MDH1B: variants seen among roughly 807,000 people sequenced by gnomAD.
MDH1B encodes putative malate dehydrogenase 1B.
A neutral mutation model predicts 61.4 loss-of-function variants in MDH1B; 60 were observed. The observed-to-expected ratio is 0.98, with a 90% CI of 0.79 to 1.21. The LOEUF (loss-of-function observed/expected upper bound fraction) is 1.21, where lower values mean the gene tolerates loss of function less well. MDH1B is among the 50% of genes most tolerant of loss of function. The pLI is 0.00. For missense variants in MDH1B, 587 were observed against 632.1 expected, an observed-to-expected ratio of 0.93 and a Z score of 0.76; for synonymous variants, 236 against 218.7, an observed-to-expected ratio of 1.08 and a Z score of -0.70.
chr2:206,758,360 C>G (rs1688880075), intron 2 of MDH1B, among the ~76,000 whole-genome samples: 1 of 152,116 alleles, frequency 6.6e-6, no homozygotes, highest in South Asian at 2.1e-4. Context: ...CTGGCAAGGA[C>G]CTCAGAAGAC....
intron 4 of MDH1B, among the ~76,000 whole-genome samples, chr2:206,755,891 A>G (rs1688731699): frequency 6.7e-6 from 1 of 148,424 alleles, no homozygotes; most frequent in East Asian, 2.0e-4. Context: ...TTTAAAAAAT[A>G]CAACCTCATC....
Position 206,755,471 on chromosome 2 carries a change from T to C in MDH1B, c.448A>G (p.Ile150Val), listed in dbSNP as rs961258544. Residue 150 changes from isoleucine (I) to valine (V), a missense_variant, in exon 5 of 12, where the codon ATA (isoleucine) becomes GTA (valine). Physicochemically the swap from Ile to Val is conservative, Grantham distance 29. Coordinates refer to ENST00000374412, the MANE Select transcript of MDH1B (RefSeq NM_001039845.3). ...SAPACYNLIP[I>V]LTSGEVFGMH... ...CCAAACACTTCGCCACTCGTCAATATGGGAATTAGGTTGTAGCAGGCAGGA... is the reference window on the plus strand; with the variant it reads ...CCAAACACTTCGCCACTCGTCAATACGGGAATTAGGTTGTAGCAGGCAGGA... 3.1e-6 allele frequency: 5 copies of C among 1,614,000 alleles called. No individual in the cohort carries two copies. Among genetic ancestry groups the C allele is most frequent in the African/African-American group, 2.7e-5 (2 of 75,062 alleles).
Position 206,765,282 on chromosome 2 carries a change from GA to G in MDH1B, c.-12del. ...GACGAATTTGGCCATGGTCGAGAGA[GA>G]CTCAGAGGCAGGGACCGCGGCTTCG... On this transcript the variant is annotated 5_prime_UTR_variant, in exon 1 of 12. Transcript: ENST00000374412. The G allele has an allele frequency of 6.3e-7, 1 of 1,599,332 alleles. No individual in the cohort carries two copies. Among genetic ancestry groups the G allele is most frequent in the South Asian group, 1.1e-5 (1 of 89,072 alleles).
chr2:206,750,550 G>C (rs1688376796), intron 6 of MDH1B, among the ~76,000 whole-genome samples: 1 of 151,684 alleles, frequency 6.6e-6, no homozygotes, highest in Admixed American at 6.6e-5. Context: ...TCCTGCCACA[G>C]AATGCCCAGC....
chr2:206,755,580 T>G (rs1420536047), intron 4 of MDH1B, 75 bp from the exon 5 acceptor site: 1 of 1,500,000 alleles, frequency 6.7e-7, no homozygotes, highest in African/African-American at 1.4e-5. Flanking sequence ...TTAATAGATA[T>G]TTCTGCATGT....
At position 206,765,234 on chromosome 2, in the gene MDH1B, C is replaced by T; in HGVS notation, c.22+16G>A. ...GCGTTTTGAGCAATCTGCGGGCGGA[C>T]GCGGGGATCACTCACCCGCGATGAC... is the stretch of plus-strand genomic sequence containing the variant. On this transcript the variant is annotated intron_variant, in intron 1 of 11. Coordinates refer to ENST00000374412, the MANE Select transcript of MDH1B (RefSeq NM_001039845.3). 6.2e-7 allele frequency: 1 copy of T among 1,600,196 alleles called. No individual in the cohort carries two copies. Among genetic ancestry groups the T allele is most frequent in the Non-Finnish European group, 8.5e-7 (1 of 1,175,446 alleles).
rs61998221 is a variant in MDH1B, at chr2:206,755,049, C to G, written c.870G>C (p.Ala290=). The part of the protein sequence containing the change: ...IAVALGVEGE[A]KAILARKLKT... ...TCAGTTTTCTGGCCAGTATGGCTTT[C>G]GCTTCACCTTCCACCCCCAGCGCCA... Residue 290 remains alanine, a synonymous_variant, in exon 5 of 12, where the codon GCG becomes GCC. Transcript: ENST00000374412. The G allele has an allele frequency of 6.8e-6, 11 of 1,613,954 alleles. No homozygotes were observed. Among genetic ancestry groups the G allele is most frequent in the Non-Finnish European group, 5.9e-6 (7 of 1,179,946 alleles).
intron 7 of MDH1B, among the ~76,000 whole-genome samples, chr2:206,748,767 T>C (rs1368843176): frequency 6.6e-6 from 1 of 152,268 alleles, no homozygotes; most frequent in East Asian, 1.9e-4. Context: ...ATCTGGCTCT[T>C]GTTTATTCCA....
chr2:206,747,725 G>A (rs192175426), intron 7 of MDH1B, among the ~76,000 whole-genome samples: 193 of 152,298 alleles, frequency 1.3e-3, no homozygotes, highest in Non-Finnish European at 2.5e-3. Flanking sequence ...GTGGGGATAC[G>A]GAGGAGAGAC....
intron 1 of MDH1B, among the ~76,000 whole-genome samples, chr2:206,762,526 C>A (rs1268767162): frequency 6.6e-6 from 1 of 152,112 alleles, no homozygotes. Context: ...CTAATAGTCC[C>A]TTTCTGTCAT....
chr2:206,744,823 G>T (rs908138814), intron 9 of MDH1B, among the ~76,000 whole-genome samples: 1 of 152,066 alleles, frequency 6.6e-6, no homozygotes, highest in Admixed American at 6.6e-5. Context: ...TAATCAGGAG[G>T]CTGAGACAGG....
At chr2:206,764,731 G>A (rs956025761) in intron 1 of MDH1B, among the ~76,000 whole-genome samples, 12 of 152,150 alleles carry the variant, frequency 7.9e-5, no homozygotes, top group African/African-American at 2.9e-4. Flanking sequence ...TGACCTACAT[G>A]AAATGCAAGG....
chr2:206,742,105 A>G (rs557090843), intron 9 of MDH1B, among the ~76,000 whole-genome samples: 1 of 152,190 alleles, frequency 6.6e-6, no homozygotes, highest in Admixed American at 6.5e-5. Flanking sequence ...AAAGAAAATG[A>G]TGAACTCAGA....
At chr2:206,745,447 T>G (rs534295838) in intron 9 of MDH1B, 175 bp downstream of exon 9, 9 of 656,460 alleles carry the variant, frequency 1.4e-5, no homozygotes, top group Admixed American at 9.2e-5. Flanking sequence ...TTTAACATTC[T>G]TATGAGATGT....
chr2:206,761,153 TTACA>T (rs1689070348), intron 1 of MDH1B, 140 bp from the exon 2 acceptor site: 2 of 481,482 alleles, frequency 4.2e-6, no homozygotes, highest in East Asian at 6.2e-5. Context: ...TAAACTGCTA[TTACA>T]TAAACTTCTG....
chr2:206,739,580 G>T lies in MDH1B; in HGVS notation c.1528+13C>A. The T allele has an allele frequency of 6.2e-7, 1 of 1,610,744 alleles. No homozygotes were observed. Among genetic ancestry groups the T allele is most frequent in the Non-Finnish European group, 8.5e-7 (1 of 1,177,090 alleles). ...ATAAGAAAATACTAGTTAATGTTTT[G>T]TCTACCACCTACCATTTAGGAACTC... is the stretch of plus-strand genomic sequence containing the variant. On this transcript the variant is annotated intron_variant, in intron 11 of 11. Transcript: ENST00000374412.
chr2:206,748,721 T>A (rs1688266691), intron 7 of MDH1B, among the ~76,000 whole-genome samples: 1 of 152,248 alleles, frequency 6.6e-6, no homozygotes, highest in African/African-American at 2.4e-5. Context: ...CTTTATCTAT[T>A]GCTAGGAAAA....
intron 7 of MDH1B, among the ~76,000 whole-genome samples, chr2:206,748,104 G>A (rs1346529123): frequency 6.6e-6 from 1 of 152,202 alleles, no homozygotes; most frequent in African/African-American, 2.4e-5. Flanking sequence ...AAGTCAGCCG[G>A]GCGTGGTGGC....
intron 2 of MDH1B, among the ~76,000 whole-genome samples, chr2:206,758,781 C>CAA (rs374225479): frequency 1.5e-5 from 2 of 137,700 alleles, no homozygotes; most frequent in Non-Finnish European, 3.2e-5. Context: ...CACACACACA[C>CAA]AAAAAAAAAA....
Sources: allele counts gnomAD v4.1 joint callset (sites outside exome capture counted in the v4.1 genomes callset), GRCh38; gene constraint gnomAD v4.1.1; transcripts MANE v1.5; gene names NCBI Gene and HGNC (gene_info 2026-07-23, HGNC 2026-07-21).